The following ICA1L variants were observed in gnomAD, a reference collection of about 807,000 sequenced individuals.
ICA1L encodes islet cell autoantigen 1 like.
ICA1L carries 50 observed loss-of-function variants against 61.3 expected under a neutral mutation model. That is an observed-to-expected ratio of 0.82 (90% CI 0.65 to 1.03). ICA1L has a LOEUF of 1.03. Among genes scored for constraint, ICA1L ranks in the 50% least tolerant of loss-of-function variants. The pLI, the probability that ICA1L is intolerant of heterozygous loss-of-function variation, is 0.00. For synonymous variants in ICA1L, 161 were observed against 191.3 expected (o/e 0.84, Z 1.31); for missense variants, 508 against 556.7 (o/e 0.91, Z 0.88).
intron 9 of ICA1L, among the ~76,000 whole-genome samples, chr2:202,808,960 C>T (rs571322995): frequency 2.2e-4 from 33 of 152,150 alleles, no homozygotes; most frequent in African/African-American, 6.3e-4. Flanking sequence ...ATAATAAATA[C>T]GTAACTCTTC....
At chr2:202,834,641 C>CAAA (rs1694099062) in intron 1 of ICA1L, among the ~76,000 whole-genome samples, 2 of 151,860 alleles carry the variant, frequency 1.3e-5, no homozygotes. Context: ...AAAACAAAAA[C>CAAA]AAAAAACCCT....
At chr2:202,841,401 T>G in intron 1 of ICA1L, 1 of 1,147,412 alleles carries the variant, frequency 8.7e-7, no homozygotes. Flanking sequence ...CTTCTGCTGC[T>G]GCAGGAGGGC....
chr2:202,828,919 T>C lies in ICA1L; in HGVS notation c.91A>G (p.Ile31Val). 6.2e-7 allele frequency: 1 copy of C among 1,613,828 alleles called. No individual in the cohort carries two copies. Among genetic ancestry groups the C allele is most frequent in the Admixed American group, 1.7e-5 (1 of 59,936 alleles). ...TCCTCTTTTTTTCCTGTTGCTTTGA[T>C]AAAGACCTGTTTAGTTTTCCAGTAT... is the stretch of plus-strand genomic sequence containing the variant. The part of the protein sequence containing the change: ...KKYWKTKQVF[I>V]KATGKKEDEH... The change falls in exon 2 of 13, where the codon ATC becomes GTC. Residue 31 changes from isoleucine (I) to valine (V), a missense_variant. Ile to Val is a conservative substitution (Grantham distance 29). Transcript: ENST00000358299.
At chr2:202,793,589 G>A (rs888151045) in intron 10 of ICA1L, among the ~76,000 whole-genome samples, 1 of 147,928 alleles carries the variant, frequency 6.8e-6, no homozygotes, top group Non-Finnish European at 1.5e-5. Context: ...GAGCCAGGGA[G>A]AACTGCTTGA....
chr2:202,804,259 C>G lies in ICA1L; in HGVS notation c.911-7295G>C, dbSNP rs568647195. 2.6e-5 allele frequency among the ~76,000 whole-genome samples: 4 copies of G among 152,178 alleles called. No individual in the cohort carries two copies. The East Asian group carries it at 7.7e-4, about 29-fold the overall frequency. On this transcript the variant is annotated intron_variant, in intron 9 of 12. Transcript: ENST00000358299. ...TTACCTATTTAGAAAAATTTTAAAC[C>G]GTTAGCCAATCGGGTTCAGTTTAGA...
chr2:202,863,918 C>A (rs1255069865), intron 1 of ICA1L, among the ~76,000 whole-genome samples: 2 of 151,576 alleles, frequency 1.3e-5, no homozygotes, highest in Non-Finnish European at 2.9e-5. Context: ...CAACTTTATG[C>A]CAAAAGATTC....
At chr2:202,841,651 T>C (rs1479310987) in intron 1 of ICA1L, 5 of 588,256 alleles carry the variant, frequency 8.5e-6, no homozygotes, top group Admixed American at 4.2e-5. Flanking sequence ...TGCTGCCCAC[T>C]CGGGAGAAGC....
At chr2:202,846,222 T>G (rs1694459642) in intron 1 of ICA1L, among the ~76,000 whole-genome samples, 1 of 152,032 alleles carries the variant, frequency 6.6e-6, no homozygotes, top group Admixed American at 6.6e-5. Flanking sequence ...TCAAGACCAG[T>G]TATACTTTTA....
chr2:202,812,530 T>C (rs2105844220), intron 8 of ICA1L, among the ~76,000 whole-genome samples: 1 of 151,928 alleles, frequency 6.6e-6, no homozygotes, highest in South Asian at 2.1e-4. Context: ...TGAGCCGAGA[T>C]CATGCCACTG....
At chr2:202,814,544 C>A (rs573845019) in intron 8 of ICA1L, among the ~76,000 whole-genome samples, 158 bp downstream of exon 8, 1 of 152,274 alleles carries the variant, frequency 6.6e-6, no homozygotes, top group African/African-American at 2.4e-5. Flanking sequence ...CCTGTTATAG[C>A]AACACAAAAC....
At chr2:202,837,947 G>C (rs1489471263) in intron 1 of ICA1L, among the ~76,000 whole-genome samples, 2 of 151,958 alleles carry the variant, frequency 1.3e-5, no homozygotes, top group African/African-American at 2.4e-5. Context: ...TCTGCCTCTC[G>C]GGTTCATGAG....
intron 10 of ICA1L, among the ~76,000 whole-genome samples, chr2:202,794,099 CTAT>C (rs1692842733): frequency 1.3e-5 from 2 of 151,676 alleles, no homozygotes; most frequent in Non-Finnish European, 2.9e-5. Flanking sequence ...ATCAGGAAAC[CTAT>C]TATTATAGTT....
chr2:202,869,690 T>A (rs1324950449), intron 1 of ICA1L: 2 of 152,186 alleles, frequency 1.3e-5, no homozygotes, highest in Admixed American at 6.5e-5. Flanking sequence ...GTCTTTTTTT[T>A]AATCTCAACT....
At chr2:202,783,432 A>T (rs1692475171) in intron 12 of ICA1L, among the ~76,000 whole-genome samples, 1 of 152,242 alleles carries the variant, frequency 6.6e-6, no homozygotes, top group Non-Finnish European at 1.5e-5. Context: ...GATAGGATTT[A>T]CTAAGGCACA....
chr2:202,865,749 G>A (rs1687491110), intron 1 of ICA1L, among the ~76,000 whole-genome samples: 2 of 152,064 alleles, frequency 1.3e-5, no homozygotes, highest in Admixed American at 1.3e-4. Context: ...TAAAACAAAA[G>A]TATCACATTT....
At position 202,825,741 on chromosome 2, in the gene ICA1L, G is replaced by A. The variant is rs1285608962; in HGVS notation, c.189C>T (p.Cys63=). 1.4e-5 allele frequency: 22 copies of A among 1,586,294 alleles called. No individual in the cohort carries two copies. The highest frequency in any genetic ancestry group is 1.7e-5 in the Non-Finnish European group (20 of 1,158,578). ...TCTCGATTATCTTCAGAAGTTCAGT[G>A]CATGTCTCTTGAACAGAGTGAAAAA... ...LEVFHSVQET[C]TELLKIIEKY... The change falls in exon 3 of 13, where the codon TGC becomes TGT. Residue 63 remains cysteine (C), a synonymous_variant. Transcript: ENST00000358299.
In ICA1L at chr2:202,773,993, G is replaced by C. The variant is rs1692135292; in HGVS notation, c.*5540C>G. The C allele has an allele frequency of 7.7e-6, 7 of 906,306 alleles. No homozygotes were observed. The highest frequency in any genetic ancestry group is 1.0e-5 in the Non-Finnish European group (6 of 590,450). The allele number at this position is 906,306 out of a possible 1,614,324, so 56.1% of individuals were successfully genotyped here. ...TTTAAAAGGTATATGGTACTAAGAA[G>C]AGTTGGCTGTTTTATTTTTTTAAAT... On this transcript the variant is annotated 3_prime_UTR_variant, in exon 13 of 13. Transcript: ENST00000358299.
intron 4 of ICA1L, among the ~76,000 whole-genome samples, chr2:202,820,391 T>C (rs75164568): frequency 2.0e-5 from 3 of 148,768 alleles, no homozygotes; most frequent in African/African-American, 7.4e-5. Context: ...AAAAAAAAAG[T>C]GTCTACACCT....
chr2:202,827,317 C>T (rs895843736), intron 2 of ICA1L, among the ~76,000 whole-genome samples: 24 of 151,810 alleles, frequency 1.6e-4, no homozygotes, highest in African/African-American at 4.4e-4. Flanking sequence ...CGCTTGAACC[C>T]GGGAGGCGGA....
Sources: gnomAD v4.1 joint callset for allele counts (sites outside exome capture counted in the v4.1 genomes callset) on GRCh38, gnomAD v4.1.1 for gene constraint, MANE v1.5 for transcripts, NCBI Gene and HGNC (gene_info 2026-07-23, HGNC 2026-07-21) for gene names.